The following FKRP variants were observed in gnomAD, a reference collection of about 807,000 sequenced individuals.
The protein encoded by FKRP is ribitol 5-phosphate transferase FKRP.
A neutral mutation model predicts 30.6 loss-of-function variants in FKRP; 25 were observed. The ratio of observed to expected loss-of-function variants is 0.82; its 90% CI spans 0.60 to 1.14. The LOEUF is 1.14. FKRP is among the 50% of genes most tolerant of loss of function. The pLI, the probability that FKRP is intolerant of heterozygous loss-of-function variation, is 0.00. For synonymous variants in FKRP, 358 were observed against 342.5 expected, an observed-to-expected ratio of 1.05 and a Z score of -0.50; for missense variants, 771 against 727.8, an observed-to-expected ratio of 1.06 and a Z score of -0.68.
upstream of FKRP, chr19:46,746,053 C>A (rs1207921311): frequency 3.5e-6 from 4 of 1,148,206 alleles, no homozygotes; most frequent in Non-Finnish European, 4.4e-6. Context: ...GCCGTCCCGG[C>A]GGCCATTGCT....
chr19:46,757,480 A>G lies in FKRP; in HGVS notation c.*542A>G, dbSNP rs2054952014. ...GGCTGCAGGGGTTGCTTCCGCCACT[A>G]GAGGGCGCGCCGGTCCCGCTCCTGG... On this transcript the variant is annotated 3_prime_UTR_variant, in exon 4 of 4. Transcript: ENST00000318584. The G allele has an allele frequency of 1.7e-5, 3 of 178,092 alleles. No homozygotes were observed. 11.0% of individuals were successfully genotyped at this position (178,092 alleles called of 1,614,324 possible). A position where few individuals can be genotyped will look rare whatever the true frequency, so the allele number is the denominator to read the frequency against.
At position 46,754,796 on chromosome 19, in the gene FKRP, G is replaced by A. The variant is rs1223595236; in HGVS notation, c.-39-616G>A. ...AACTTTTGTATTTTTAGTAGAGATG[G>A]GGTTTCACCGTGTTGGCCAGGCTGG... On this transcript the variant is annotated intron_variant, in intron 3 of 3. Coordinates refer to ENST00000318584, the MANE Select transcript of FKRP (RefSeq NM_024301.5). 2.6e-3 allele frequency among the ~76,000 whole-genome samples: 394 copies of A among 150,984 alleles called. 1 individual carries two copies. The highest frequency in any genetic ancestry group is 9.3e-3 in the African/African-American group (376 of 40,446).
At chr19:46,755,126 C>T (rs1269260955) in intron 3 of FKRP, among the ~76,000 whole-genome samples, 2 of 151,818 alleles carry the variant, frequency 1.3e-5, no homozygotes, top group African/African-American at 4.8e-5. Context: ...CCATTCCCCC[C>T]TGCCTGCAAC....
At position 46,746,390 on chromosome 19, in the gene FKRP, G is replaced by A. The variant is rs1027043038; in HGVS notation, c.-253+300G>A. ...TGAGCCGAGCGGACGGCAGGAGGAG[G>A]CGGCGGCGGCGACCGCGGCGGCCGC... On this transcript the variant is annotated intron_variant, in intron 1 of 3. Coordinates refer to ENST00000318584, the MANE Select transcript of FKRP (RefSeq NM_024301.5). The A allele has an allele frequency of 2.8e-6, 3 of 1,086,814 alleles. No individual in the cohort carries two copies. Among genetic ancestry groups the A allele is most frequent in the Non-Finnish European group, 2.2e-6 (2 of 897,714 alleles). The allele number at this position is 1,086,814 out of a possible 1,614,324, so 67.3% of individuals were successfully genotyped here. A position where few individuals can be genotyped will look rare whatever the true frequency, so the allele number is the denominator to read the frequency against.
chr19:46,746,219 A>G, intron 1 of FKRP, 129 bp downstream of exon 1: 1 of 1,536,310 alleles, frequency 6.5e-7, no homozygotes, highest in Admixed American at 1.9e-5. Context: ...GTGCTGGATA[A>G]AGTGCAGGAT....
In FKRP at chr19:46,756,068, C is replaced by T; in HGVS notation, c.618C>T (p.Asp206=). The T allele has an allele frequency of 6.4e-7, 1 of 1,567,336 alleles. No homozygotes were observed. Among genetic ancestry groups the T allele is most frequent in the Non-Finnish European group, 8.6e-7 (1 of 1,165,614 alleles). ...GDAVVLLRAR[D]LFNLSAPLAR... ...CTGTGGTGCTCCTGCGCGCCCGCGA[C>T]CTCTTCAACCTCTCGGCGCCCCTGG... Residue 206 remains aspartate (D), a synonymous_variant, in exon 4 of 4, where the codon GAC becomes GAT. Transcript: ENST00000318584. This position sits in a 1 kb window ranked among gnomAD's most constrained non-coding sequence, Gnocchi z 6.6.
upstream of FKRP, among the ~76,000 whole-genome samples, chr19:46,745,318 G>A (rs2054560768): frequency 6.6e-6 from 1 of 152,048 alleles, no homozygotes; most frequent in Non-Finnish European, 1.5e-5. Context: ...CAGGCTCCTA[G>A]GGTACATTCC....
At chr19:46,746,417 C>T in intron 1 of FKRP, 2 of 1,037,754 alleles carry the variant, frequency 1.9e-6, no homozygotes, top group South Asian at 8.9e-5. Flanking sequence ...GGCGGCCGCT[C>T]GCTCCTCCAT....
In FKRP at chr19:46,756,874, C is replaced by T. The variant is rs1468526055; in HGVS notation, c.1424C>T (p.Pro475Leu). Reference protein sequence around the residue: ...YRRFLELKFGPGVIENPQYPN... With the variant: ...YRRFLELKFGLGVIENPQYPN... Reference sequence around the variant, plus strand: ...CGCTTCCTGGAGCTCAAGTTCGGGCCCGGGGTCATCGAGAACCCCCAGTAC... The same window carrying T: ...CGCTTCCTGGAGCTCAAGTTCGGGCTCGGGGTCATCGAGAACCCCCAGTAC... The change falls in exon 4 of 4, where the codon CCC becomes CTC. Residue 475 changes from proline (P) to leucine (L), a missense_variant. Physicochemically the swap from Pro to Leu is moderately conservative, Grantham distance 98. Coordinates refer to ENST00000318584, the MANE Select transcript of FKRP (RefSeq NM_024301.5). The surrounding 1 kb of genome is among the most constrained non-coding windows in gnomAD (Gnocchi z 6.6). The T allele has an allele frequency of 6.2e-7, 1 of 1,612,030 alleles. No homozygotes were observed. The highest frequency in any genetic ancestry group is 1.7e-5 in the Admixed American group (1 of 59,848).
At position 46,751,389 on chromosome 19, in the gene FKRP, T is replaced by A. The variant is rs566507631; in HGVS notation, c.-40+2724T>A. Among the ~76,000 whole-genome samples the A allele has an allele frequency of 6.6e-5, 10 of 151,826 alleles. No individual in the cohort carries two copies. In the South Asian group the frequency reaches 2.1e-3, roughly 32 times the overall value. On this transcript the variant is annotated intron_variant, in intron 3 of 3. Transcript: ENST00000318584. The stretch of plus-strand genomic sequence containing the variant: ...AAGATGCATTTTTTTGTTTATTTAC[T>A]TATTTTGAGACAGAGTTTTGTTGTT...
chr19:46,757,647 A>C lies in FKRP; in HGVS notation c.*709A>C. On this transcript the variant is annotated 3_prime_UTR_variant, in exon 4 of 4. Coordinates refer to ENST00000318584, the MANE Select transcript of FKRP (RefSeq NM_024301.5). ...CCACCTCCCCTTCTTTTGGACTGCG[A>C]CCTCCTTCCCTCCTGGGAGAGCCCT... 6.0e-6 allele frequency: 1 copy of C among 168,026 alleles called. No individual in the cohort carries two copies. Among genetic ancestry groups the C allele is most frequent in the Non-Finnish European group, 1.4e-5 (1 of 69,054 alleles). 10.4% of individuals were successfully genotyped at this position (168,026 alleles called of 1,614,324 possible).
intron 3 of FKRP, among the ~76,000 whole-genome samples, chr19:46,749,279 G>A (rs2054737076): frequency 6.6e-6 from 1 of 152,114 alleles, no homozygotes; most frequent in African/African-American, 2.4e-5. Flanking sequence ...CAAGAGAGAA[G>A]GTAAAGTTTA....
In FKRP at chr19:46,755,800, C is replaced by G. The variant is rs941905630; in HGVS notation, c.350C>G (p.Pro117Arg). 2.6e-6 allele frequency: 4 copies of G among 1,516,160 alleles called. No homozygotes were observed. Among genetic ancestry groups the G allele is most frequent in the African/African-American group, 1.4e-5 (1 of 72,614 alleles). The allele number at this position is 1,516,160 out of a possible 1,614,324, so 93.9% of individuals were successfully genotyped here. A position where few individuals can be genotyped will look rare whatever the true frequency, so the allele number is the denominator to read the frequency against. Residue 117 changes from proline (P) to arginine (R), a missense_variant, in exon 4 of 4, where the codon CCG becomes CGG. Pro to Arg is a moderately radical substitution (Grantham distance 103). Coordinates refer to ENST00000318584, the MANE Select transcript of FKRP (RefSeq NM_024301.5). ...ALDRPAAASR[P>R]ETYVATEFVA... ...GACCGGCCAGCCGCAGCCTCGCGCCCGGAGACCTACGTGGCCACCGAGTTT... is the reference window on the plus strand; with the variant it reads ...GACCGGCCAGCCGCAGCCTCGCGCCGGGAGACCTACGTGGCCACCGAGTTT...
chr19:46,750,582 G>A (rs2054772257), intron 3 of FKRP, among the ~76,000 whole-genome samples: 2 of 152,174 alleles, frequency 1.3e-5, no homozygotes, highest in Non-Finnish European at 2.9e-5. Flanking sequence ...CTGGAGTGCA[G>A]TGGCTGAATC....
chr19:46,751,536 G>A (rs981298235), intron 3 of FKRP, among the ~76,000 whole-genome samples: 6 of 150,294 alleles, frequency 4.0e-5, no homozygotes, highest in East Asian at 1.9e-4. Context: ...CTGTCACCAT[G>A]CCCAGCTAAC....
intron 1 of FKRP, chr19:46,746,444 C>T: frequency 2.0e-6 from 2 of 1,006,386 alleles, no homozygotes; most frequent in Non-Finnish European, 2.4e-6. Context: ...GGCCCCGGGG[C>T]CGGCCTGCGC....
upstream of FKRP, chr19:46,745,844 A>G (rs1713070678): frequency 7.2e-6 from 2 of 278,356 alleles, no homozygotes; most frequent in South Asian, 1.5e-4. Flanking sequence ...TCCCAGTCCC[A>G]GTCCCACTCC....
intron 3 of FKRP, among the ~76,000 whole-genome samples, chr19:46,750,043 A>G: frequency 6.6e-6 from 1 of 152,036 alleles, no homozygotes; most frequent in Non-Finnish European, 1.5e-5. Context: ...TGTGATCATA[A>G]CACGAGGATT....
In FKRP at chr19:46,758,271, C is replaced by T. The variant is rs1487065411; in HGVS notation, c.*1333C>T. 1 of 167,056 alleles carries T rather than the reference C, an allele frequency of 6.0e-6. No individual in the cohort carries two copies. The highest frequency in any genetic ancestry group is 2.4e-5 in the African/African-American group (1 of 41,440). The allele number at this position is 167,056 out of a possible 1,614,324, so 10.3% of individuals were successfully genotyped here. On this transcript the variant is annotated 3_prime_UTR_variant, in exon 4 of 4. Transcript: ENST00000318584. ...CTCTGGAGCCCACAATTGTCTTACC[C>T]ACTATGCCCCTCTCTAGTCATGGTC...
Sources: gnomAD v4.1 joint callset for allele counts (sites outside exome capture counted in the v4.1 genomes callset) on GRCh38, gnomAD v4.1.1 for gene constraint, Gnocchi (gnomAD v3.1) non-coding constraint, MANE v1.5 for transcripts, NCBI Gene and HGNC (gene_info 2026-07-23, HGNC 2026-07-21) for gene names.